Variants in DACH2 observed in about 807,000 individuals in gnomAD.
The protein encoded by DACH2 is dachshund family transcription factor 2.
In DACH2, 17 loss-of-function variants were observed where a neutral mutation model predicts 35.8. That is an observed-to-expected ratio of 0.48 (90% confidence interval 0.33 to 0.71). The LOEUF (loss-of-function observed/expected upper bound fraction) is 0.71. DACH2 is among the 30% of genes least tolerant of loss of function. DACH2 has a pLI of 0.02. For synonymous variants in DACH2, 195 were observed against 177.3 expected (o/e 1.10, Z -0.79); for missense variants, 469 against 472.7 (o/e 0.99, Z 0.07).
At chrX:86,280,327 C>T (rs764096207) in intron 1 of DACH2, among the ~76,000 whole-genome samples, 39 of 111,900 alleles carry the variant, frequency 3.5e-4, no homozygotes, top group African/African-American at 1.2e-3. Context: ...TAATTTTCAA[C>T]CCAGAGTTTC....
intron 1 of DACH2, among the ~76,000 whole-genome samples, chrX:86,278,423 A>G (rs750552786): frequency 3.3e-4 from 37 of 112,041 alleles, no homozygotes; most frequent in Non-Finnish European, 6.8e-4. Flanking sequence ...CACAACCAGC[A>G]GGATGCAGAA....
chrX:86,431,367 G>A (rs1169218681), intron 2 of DACH2, among the ~76,000 whole-genome samples: 1 of 111,867 alleles, frequency 8.9e-6, no homozygotes, highest in Non-Finnish European at 1.9e-5. Context: ...AAAGCAAAAT[G>A]AAACAAATGG....
chrX:86,832,161 C>T lies in DACH2; in HGVS notation c.*6C>T. On this transcript the variant is annotated 3_prime_UTR_variant, in exon 12 of 12. Coordinates refer to ENST00000373125, the MANE Select transcript of DACH2 (RefSeq NM_053281.3). ...AACAGTTGTATTCAGCCTGAAAGGT[C>T]CTCGCTGGCTTTACATAAATGAAGA... 8.5e-7 allele frequency: 1 copy of T among 1,175,185 alleles called. No homozygotes were observed.
chrX:86,661,762 C>T (rs1348514540), intron 4 of DACH2, among the ~76,000 whole-genome samples: 1 of 111,980 alleles, frequency 8.9e-6, no homozygotes, highest in African/African-American at 3.2e-5. Flanking sequence ...AAATGTCAAA[C>T]ATTTTACATT....
In DACH2 at chrX:86,722,854, A is replaced by G. The variant is rs148671757; in HGVS notation, c.1104+8134A>G. Among the ~76,000 whole-genome samples the G allele has an allele frequency of 2.9e-3, 327 of 111,454 alleles. 1 individual carries two copies. The highest frequency in any genetic ancestry group is 0.01 in the African/African-American group (319 of 30,702). Reference sequence around the variant, plus strand: ...TTGTTATCAGGATGTTACTGGCCTCATAGCATTATTTAGGGATAATTTCCT... The same window carrying G: ...TTGTTATCAGGATGTTACTGGCCTCGTAGCATTATTTAGGGATAATTTCCT... On this transcript the variant is annotated intron_variant, in intron 6 of 11. Coordinates refer to ENST00000373125, the MANE Select transcript of DACH2 (RefSeq NM_053281.3).
intron 1 of DACH2, among the ~76,000 whole-genome samples, chrX:86,293,922 G>A (rs1215588252): frequency 9.0e-6 from 1 of 110,784 alleles, no homozygotes; most frequent in East Asian, 2.9e-4. Flanking sequence ...TCTTCTCGAG[G>A]AGTATCTTTG....
intron 7 of DACH2, among the ~76,000 whole-genome samples, chrX:86,788,167 T>A (rs954091893): frequency 8.1e-5 from 9 of 111,084 alleles, no homozygotes; most frequent in Non-Finnish European, 1.3e-4. Context: ...CAGTCGAGTA[T>A]TCCTATAGGA....
At chrX:86,646,562 G>A (rs1425074540) in intron 3 of DACH2, among the ~76,000 whole-genome samples, 1 of 109,890 alleles carries the variant, frequency 9.1e-6, no homozygotes, top group Non-Finnish European at 1.9e-5. Context: ...GACACCAAAA[G>A]CATGGGTAAC....
intron 7 of DACH2, among the ~76,000 whole-genome samples, chrX:86,774,181 C>T (rs1390892192): frequency 9.0e-6 from 1 of 111,697 alleles, no homozygotes; most frequent in Non-Finnish European, 1.9e-5. Flanking sequence ...CTGTTAATTC[C>T]CTCCCCTCCA....
chrX:86,177,541 A>G (rs1048024630), intron 1 of DACH2, among the ~76,000 whole-genome samples: 1 of 111,742 alleles, frequency 8.9e-6, no homozygotes, highest in African/African-American at 3.2e-5. Context: ...GAAGTTGGCT[A>G]TCTCAATCTT....
At chrX:86,711,556 A>G (rs757308294) in intron 5 of DACH2, among the ~76,000 whole-genome samples, 58 of 112,273 alleles carry the variant, frequency 5.2e-4, no homozygotes, top group African/African-American at 1.7e-3. Context: ...TATATCTAGC[A>G]TGTGACTAAG....
At chrX:86,174,005 C>G (rs539618470) in intron 1 of DACH2, among the ~76,000 whole-genome samples, 1 of 110,111 alleles carries the variant, frequency 9.1e-6, no homozygotes, top group Non-Finnish European at 1.9e-5. Context: ...AAAAGAGTCA[C>G]GAACAACTCC....
chrX:86,670,024 T>G (rs1171086487), intron 4 of DACH2, among the ~76,000 whole-genome samples: 1 of 111,415 alleles, frequency 9.0e-6, no homozygotes, highest in African/African-American at 3.3e-5. Context: ...CTGTTAGTGA[T>G]AAACGCTAAT....
intron 7 of DACH2, among the ~76,000 whole-genome samples, chrX:86,755,419 G>C (rs959888191): frequency 2.7e-5 from 3 of 110,180 alleles, no homozygotes; most frequent in Non-Finnish European, 5.7e-5. Context: ...AAGCCTTTTA[G>C]TTTAGTAGAG....
At chrX:86,660,845 G>T (rs1260161811) in intron 4 of DACH2, among the ~76,000 whole-genome samples, 1 of 110,780 alleles carries the variant, frequency 9.0e-6, no homozygotes, top group Non-Finnish European at 1.9e-5. Context: ...TTTTTTAAAG[G>T]CAGTTTAATA....
chrX:86,291,678 A>G (rs1382209867), intron 1 of DACH2, among the ~76,000 whole-genome samples: 19 of 104,551 alleles, frequency 1.8e-4, no homozygotes, highest in Non-Finnish European at 3.5e-4. Flanking sequence ...ATCTATTGAG[A>G]TAATCATGTG....
At chrX:86,769,837 T>A (rs1209275878) in intron 7 of DACH2, among the ~76,000 whole-genome samples, 1 of 109,783 alleles carries the variant, frequency 9.1e-6, no homozygotes, top group Non-Finnish European at 1.9e-5. Flanking sequence ...AGAAGCTTTG[T>A]GAGATTTCTC....
chrX:86,157,399 C>T (rs1452927746), intron 1 of DACH2, among the ~76,000 whole-genome samples: 7 of 111,150 alleles, frequency 6.3e-5, no homozygotes, highest in African/African-American at 2.3e-4. Context: ...ATTGATCTGT[C>T]GCCGGATTAA....
At position 86,513,132 on chromosome X, in the gene DACH2, A is replaced by G. The variant is rs776242862; in HGVS notation, c.528-1147A>G. The stretch of plus-strand genomic sequence containing the variant: ...AGCAGAGTTTGTCTTACATTGATGG[A>G]TCATTTTGCTACTGCAAAGTTGATA... On this transcript the variant is annotated intron_variant, in intron 2 of 11. Coordinates refer to ENST00000373125, the MANE Select transcript of DACH2 (RefSeq NM_053281.3). Among the ~76,000 whole-genome samples, 98 of 111,998 alleles carry G rather than the reference A, an allele frequency of 8.8e-4. 1 individual carries two copies. The highest frequency in any genetic ancestry group is 1.7e-3 in the Non-Finnish European group (89 of 53,237).
Sources: gnomAD v4.1 joint callset for allele counts (sites outside exome capture counted in the v4.1 genomes callset) on GRCh38, gnomAD v4.1.1 for gene constraint, MANE v1.5 for transcripts, NCBI Gene and HGNC (gene_info 2026-07-23, HGNC 2026-07-21) for gene names.